Variants in TRPC3 observed in about 807,000 individuals in gnomAD.
TRPC3 encodes transient receptor potential cation channel subfamily C member 3.
A neutral mutation model predicts 90.9 loss-of-function variants in TRPC3; 54 were observed. The observed-to-expected ratio is 0.59, with a 90% confidence interval of 0.48 to 0.75. The LOEUF is 0.75. Ranked by LOEUF, TRPC3 falls within the 30% of genes least tolerant of loss-of-function variation. The probability of loss-of-function intolerance (pLI) is 0.00; values close to 1 mark genes in which losing one functional copy is unlikely to be tolerated. For synonymous variants in TRPC3, 424 were observed against 450.9 expected (o/e 0.94, Z 0.75); for missense variants, 918 against 1,194.5 (o/e 0.77, Z 3.41).
At chr4:121,930,027 C>G (rs1181464770) in intron 2 of TRPC3, among the ~76,000 whole-genome samples, 1 of 152,038 alleles carries the variant, frequency 6.6e-6, no homozygotes, top group Non-Finnish European at 1.5e-5. Context: ...AGGGTCAGTG[C>G]TATGAAAGCA....
At chr4:121,920,737 C>A (rs1363762956) in intron 3 of TRPC3, among the ~76,000 whole-genome samples, 1 of 152,062 alleles carries the variant, frequency 6.6e-6, no homozygotes, top group Admixed American at 6.5e-5. Flanking sequence ...GCATGTTAGC[C>A]ATTTGAATTT....
intron 9 of TRPC3, among the ~76,000 whole-genome samples, chr4:121,901,393 T>A (rs1233337980): frequency 6.6e-6 from 1 of 152,148 alleles, no homozygotes; most frequent in Non-Finnish European, 1.5e-5. Context: ...GTGCTGAACA[T>A]GAGGCATCCA....
intron 1 of TRPC3, among the ~76,000 whole-genome samples, chr4:121,934,267 T>G (rs1189186367): frequency 2.0e-5 from 3 of 152,184 alleles, no homozygotes; most frequent in African/African-American, 7.2e-5. Flanking sequence ...AATAAAAAGC[T>G]TTTTCGGAAA....
At position 121,932,288 on chromosome 4, in the gene TRPC3, T is replaced by C; in HGVS notation, c.970A>G (p.Ile324Val). The change falls in exon 2 of 12, where the codon ATA becomes GTA. Residue 324 changes from isoleucine to valine, a missense_variant. Ile to Val is a conservative substitution (Grantham distance 29). This residue lies in a region of TRPC3 where 609 missense variants were observed against 725.9 expected (regional missense o/e 0.84). Transcript: ENST00000379645. The surrounding 1 kb of genome is among the most constrained non-coding windows in gnomAD (Gnocchi z 7.7). ...AAGCTTACCTTGAACTCCTTCTCTA[T>C]GTTGGCCAGCTTGGCCAGCTCGTTG... Reference protein sequence around the residue: ...LSNELAKLANIEKEFKNDYRK... With the variant: ...LSNELAKLANVEKEFKNDYRK... 6.2e-7 allele frequency: 1 copy of C among 1,614,052 alleles called. No individual in the cohort carries two copies. The highest frequency in any genetic ancestry group is 8.5e-7 in the Non-Finnish European group (1 of 1,179,980).
At chr4:121,930,544 G>A (rs983856910) in intron 2 of TRPC3, among the ~76,000 whole-genome samples, 24 of 152,070 alleles carry the variant, frequency 1.6e-4, no homozygotes, top group African/African-American at 5.6e-4. Context: ...CTGAGCTGAC[G>A]ACTCTGGGTG....
intron 10 of TRPC3, among the ~76,000 whole-genome samples, chr4:121,891,826 A>G (rs1343210081): frequency 6.6e-6 from 1 of 152,162 alleles, no homozygotes; most frequent in Non-Finnish European, 1.5e-5. Context: ...CCTTTGTCAT[A>G]TCCCTTCTCC....
intron 11 of TRPC3, among the ~76,000 whole-genome samples, chr4:121,880,212 T>C (rs896987484): frequency 6.6e-6 from 1 of 152,180 alleles, no homozygotes; most frequent in African/African-American, 2.4e-5. Flanking sequence ...GGGAGTCCCT[T>C]TGTTTCTTTC....
rs1177036467 is a variant in TRPC3, at chr4:121,877,450, A to G, written c.*2286T>C. Reference sequence around the variant, plus strand: ...CCAGCCCTTTGTGCCCCCACCCATCAGTCACTGGCCATGGGGAGGCGGAGG... The same window carrying G: ...CCAGCCCTTTGTGCCCCCACCCATCGGTCACTGGCCATGGGGAGGCGGAGG... On this transcript the variant is annotated 3_prime_UTR_variant, in exon 12 of 12. Transcript: ENST00000379645. 6.6e-6 allele frequency among the ~76,000 whole-genome samples: 1 copy of G among 152,146 alleles called. No homozygotes were observed. The highest frequency in any genetic ancestry group is 1.9e-4 in the East Asian group (1 of 5,178).
At chr4:121,910,449 T>C (rs1729040342) in intron 5 of TRPC3, 62 bp from the exon 6 acceptor site, 2 of 1,345,674 alleles carry the variant, frequency 1.5e-6, no homozygotes, top group East Asian at 2.3e-5. Flanking sequence ...GAAGCCATTA[T>C]TGTGTCCACC....
rs568910755 is a variant in TRPC3, at chr4:121,937,405, G to A, written c.216-4363C>T. Among the ~76,000 whole-genome samples the A allele has an allele frequency of 1.6e-4, 24 of 152,304 alleles. 1 individual carries two copies. The highest frequency in any genetic ancestry group is 9.8e-4 in the Admixed American group (15 of 15,302). On this transcript the variant is annotated intron_variant, in intron 1 of 11. Coordinates refer to ENST00000379645, the MANE Select transcript of TRPC3 (RefSeq NM_001130698.2). Reference sequence around the variant, plus strand: ...ATATGTTTGAGCAGCACAGGCTAAGGGACAAGTAGCCTCACATTCATTTAG... The same window carrying A: ...ATATGTTTGAGCAGCACAGGCTAAGAGACAAGTAGCCTCACATTCATTTAG...
At chr4:121,925,597 A>G (rs1297871078) in intron 2 of TRPC3, among the ~76,000 whole-genome samples, 1 of 152,210 alleles carries the variant, frequency 6.6e-6, no homozygotes, top group Non-Finnish European at 1.5e-5. Context: ...ATTTAGACAG[A>G]AGAAATAAGT....
chr4:121,944,978 GC>G (rs1730437074), intron 1 of TRPC3, among the ~76,000 whole-genome samples: 1 of 152,190 alleles, frequency 6.6e-6, no homozygotes, highest in African/African-American at 2.4e-5. Flanking sequence ...TCAATCTGCA[GC>G]TTCAGTTTCT....
intron 10 of TRPC3, among the ~76,000 whole-genome samples, chr4:121,884,603 G>C (rs983408047): frequency 1.3e-5 from 2 of 152,122 alleles, no homozygotes; most frequent in Non-Finnish European, 2.9e-5. Context: ...ATTATGCCAA[G>C]GTCAAGTAAA....
At position 121,932,925 on chromosome 4, in the gene TRPC3, G is replaced by C. The variant is rs781483897; in HGVS notation, c.333C>G (p.Ala111=). The C allele has an allele frequency of 1.2e-6, 2 of 1,614,052 alleles. No individual in the cohort carries two copies. The highest frequency in any genetic ancestry group is 1.7e-6 in the Non-Finnish European group (2 of 1,179,992). ...MFNDRGTSLT[A]EEERFLDAAE... is the part of the protein sequence containing the mutation. ...CGGCGTCGAGGAAGCGCTCCTCCTC[G>C]GCGGTGAGGCTGGTGCCGCGGTCAT... The change falls in exon 2 of 12, where the codon GCC becomes GCG. Residue 111 remains alanine, a synonymous_variant. Transcript: ENST00000379645. This position sits in a 1 kb window ranked among gnomAD's most constrained non-coding sequence, Gnocchi z 7.7.
chr4:121,904,039 G>T (rs902232840), intron 8 of TRPC3, among the ~76,000 whole-genome samples: 1 of 152,096 alleles, frequency 6.6e-6, no homozygotes, highest in Non-Finnish European at 1.5e-5. Context: ...TTTCCTTAGG[G>T]CCAATACTTC....
intron 2 of TRPC3, among the ~76,000 whole-genome samples, chr4:121,929,890 T>C (rs1729839752): frequency 6.6e-6 from 1 of 152,006 alleles, no homozygotes; most frequent in Non-Finnish European, 1.5e-5. Context: ...ATTTCAAGGC[T>C]AATACTTTGA....
At chr4:121,907,688 A>C (rs1242546771) in intron 6 of TRPC3, 121 bp from the exon 7 acceptor site, 1 of 1,076,506 alleles carries the variant, frequency 9.3e-7, no homozygotes, top group Non-Finnish European at 1.3e-6. Flanking sequence ...AGTTGAAACT[A>C]ATCTAGATTT....
At chr4:121,893,010 ACTC>A (rs1728383389) in intron 10 of TRPC3, among the ~76,000 whole-genome samples, 1 of 151,566 alleles carries the variant, frequency 6.6e-6, no homozygotes, top group African/African-American at 2.4e-5. Flanking sequence ...AGTCCCAGCT[ACTC>A]GGGAGGCTGA....
At chr4:121,886,460 C>T (rs187179211) in intron 10 of TRPC3, among the ~76,000 whole-genome samples, 16 of 152,184 alleles carry the variant, frequency 1.1e-4, no homozygotes, top group Non-Finnish European at 2.9e-5. Flanking sequence ...ATACCACTCA[C>T]GAAACTTTGT....
Sources: gnomAD v4.1 joint callset for allele counts (sites outside exome capture counted in the v4.1 genomes callset) on GRCh38, gnomAD v4.1.1 for gene constraint, gnomAD v4.1.1 regional missense constraint, Gnocchi (gnomAD v3.1) non-coding constraint, MANE v1.5 for transcripts, NCBI Gene and HGNC (gene_info 2026-07-23, HGNC 2026-07-21) for gene names.